The following PMP2 variants were observed in gnomAD, a reference collection of about 807,000 sequenced individuals.
The protein encoded by PMP2 is peripheral myelin protein 2, also known as myelin P2 protein.
Under a neutral mutation model 15.9 loss-of-function variants are expected in PMP2, and 11 were observed. That is an observed-to-expected ratio of 0.69 (90% CI 0.44 to 1.14). PMP2 has a LOEUF of 1.14. Ranked by LOEUF, PMP2 falls within the 50% of genes most tolerant of loss-of-function variation. The probability of loss-of-function intolerance (pLI) is 0.00; values close to 1 mark genes in which losing one functional copy is unlikely to be tolerated. For missense variants in PMP2, 151 were observed against 154.0 expected, an observed-to-expected ratio of 0.98 and a Z score of 0.10; for synonymous variants, 55 against 54.1, an observed-to-expected ratio of 1.02 and a Z score of -0.07.
rs1208156701 is a variant in PMP2 at position 81,447,307 on chromosome 8, T to TTCTTACCCAGAGCTTTCATGTAA, written c.57_73+6dup. Reference sequence around the variant, plus strand: ...TTTTCAGCAGAACAACAAAAAGCATTTCTTACCCAGAGCTTTCATGTAATC... The same window carrying TTCTTACCCAGAGCTTTCATGTAA: ...TTTTCAGCAGAACAACAAAAAGCATTTCTTACCCAGAGCTTTCATGTAATCTTACCCAGAGCTTTCATGTAATC... On this transcript the variant is annotated splice_region_variant and intron_variant, in intron 1 of 3. Coordinates refer to ENST00000256103, the MANE Select transcript of PMP2 (RefSeq NM_002677.5). 6.2e-7 allele frequency: 1 copy of TTCTTACCCAGAGCTTTCATGTAA among 1,609,844 alleles called. No homozygotes were observed. The highest frequency in any genetic ancestry group is 1.7e-5 in the Admixed American group (1 of 60,022).
chr8:81,444,921 C>T lies in PMP2; in HGVS notation c.142G>A (p.Asp48Asn), dbSNP rs1807421889. ...CTTTCAGTTCGTATAGTTATAATAT[C>T]TCCTTTCTTGCTGATGATCACAGTG... Reference protein sequence around the residue: ...KPTVIISKKGDIITIRTESTF... With the variant: ...KPTVIISKKGNIITIRTESTF... Residue 48 changes from aspartate to asparagine, a missense_variant, in exon 2 of 4, where the codon GAT becomes AAT. Physicochemically the swap from Asp to Asn is conservative, Grantham distance 23. Transcript: ENST00000256103. 1.2e-6 allele frequency: 2 copies of T among 1,613,762 alleles called. No individual in the cohort carries two copies. Among genetic ancestry groups the T allele is most frequent in the African/African-American group, 1.3e-5 (1 of 74,932 alleles).
chr8:81,444,876 T>A lies in PMP2; in HGVS notation c.187A>T (p.Ile63Phe), dbSNP rs754959260. The change falls in exon 2 of 4, where the codon ATC (isoleucine) becomes TTC (phenylalanine). Residue 63 changes from isoleucine (I) to phenylalanine (F), a missense_variant. Ile to Phe is a conservative substitution (Grantham distance 21). Coordinates refer to ENST00000256103, the MANE Select transcript of PMP2 (RefSeq NM_002677.5). ...RTESTFKNTE[I>F]SFKLGQEFEE... ...AATTCCTGGCCTAGCTTGAAGGAGA[T>A]TTCTGTATTTTTAAAGGTACTTTCA... The A allele has an allele frequency of 6.2e-7, 1 of 1,613,604 alleles. No homozygotes were observed. The highest frequency in any genetic ancestry group is 8.5e-7 in the Non-Finnish European group (1 of 1,179,500).
rs1807390813 is a variant in PMP2 at position 81,443,423 on chromosome 8, C to T, written c.374G>A (p.Cys125Tyr). 1 of 1,600,850 alleles carries T rather than the reference C, an allele frequency of 6.2e-7. No individual in the cohort carries two copies. Among genetic ancestry groups the T allele is most frequent in the Non-Finnish European group, 8.5e-7 (1 of 1,173,106 alleles). The change falls in exon 4 of 4, where the codon TGC becomes TAC. Residue 125 changes from cysteine to tyrosine, a missense_variant. Physicochemically the swap from Cys to Tyr is radical, Grantham distance 194. Coordinates refer to ENST00000256103, the MANE Select transcript of PMP2 (RefSeq NM_002677.5). ...VAECKMKGVVCTRIYEKV is the reference protein window; with the variant it reads ...VAECKMKGVVYTRIYEKV ...TCAGACCTTCTCATAGATTCTGGTGCACACCACGCCCTTCATTTTACATTC... is the reference window on the plus strand; with the variant it reads ...TCAGACCTTCTCATAGATTCTGGTGTACACCACGCCCTTCATTTTACATTC...
chr8:81,442,795 G>A lies in PMP2; in HGVS notation c.*603C>T, dbSNP rs1191061677. ...GTTTTGTGTCTTGAGTGGGATGTGA[G>A]TTATATTTAACTCACATTTACCTGT... is the stretch of plus-strand genomic sequence containing the variant. On this transcript the variant is annotated 3_prime_UTR_variant, in exon 4 of 4. Transcript: ENST00000256103. 1 of 151,958 alleles carries A rather than the reference G, an allele frequency of 6.6e-6. No homozygotes were observed. Among genetic ancestry groups the A allele is most frequent in the African/African-American group, 2.4e-5 (1 of 41,410 alleles). The allele number at this position is 151,958 out of a possible 1,614,324, so 9.4% of individuals were successfully genotyped here. A position where few individuals can be genotyped will look rare whatever the true frequency, so the allele number is the denominator to read the frequency against.
chr8:81,444,739 C>A lies in PMP2; in HGVS notation c.246+78G>T, dbSNP rs370111701. 1.7e-5 allele frequency: 24 copies of A among 1,426,718 alleles called. No homozygotes were observed. The Middle Eastern group carries it at 7.1e-4, about 42-fold the overall frequency. 88.4% of individuals were successfully genotyped at this position (1,426,718 alleles called of 1,614,324 possible). A position where few individuals can be genotyped will look rare whatever the true frequency, so the allele number is the denominator to read the frequency against. On this transcript the variant is annotated intron_variant, in intron 2 of 3. Coordinates refer to ENST00000256103, the MANE Select transcript of PMP2 (RefSeq NM_002677.5). ...TCCTTTTCAACAGAATTGAGTCTACCCTTTTACACTAGCAGGAATATTCCT... is the reference window on the plus strand; with the variant it reads ...TCCTTTTCAACAGAATTGAGTCTACACTTTTACACTAGCAGGAATATTCCT...
rs770003224 is a variant in PMP2, at chr8:81,443,470, T to C, written c.349-22A>G. ...ATTCCTTAAAAAAGAGAGAGGTTAA[T>C]TGAGTATCTCAAGTTCAAACCAGAG... On this transcript the variant is annotated intron_variant, in intron 3 of 3. Coordinates refer to ENST00000256103, the MANE Select transcript of PMP2 (RefSeq NM_002677.5). 10 of 1,534,148 alleles carry C rather than the reference T, an allele frequency of 6.5e-6. No homozygotes were observed. The Admixed American group carries it at 8.9e-5, about 14-fold the overall frequency.
rs1247161752 is a variant in PMP2, at chr8:81,441,552, ATC to A, written c.*1844_*1845del. The A allele has an allele frequency of 1.3e-5, 2 of 149,912 alleles. No individual in the cohort carries two copies. Among genetic ancestry groups the A allele is most frequent in the African/African-American group, 2.5e-5 (1 of 39,528 alleles). 9.3% of individuals were successfully genotyped at this position (149,912 alleles called of 1,614,324 possible). On this transcript the variant is annotated 3_prime_UTR_variant, in exon 4 of 4. Coordinates refer to ENST00000256103, the MANE Select transcript of PMP2 (RefSeq NM_002677.5). ...TATCTATCTATCTATCTATCTATCT[ATC>A]TATCTATCTATATATCTATCTATCA...
intron 3 of PMP2, 28 bp from the exon 4 acceptor site, chr8:81,443,476 A>T (rs1271554237): frequency 6.8e-7 from 1 of 1,477,888 alleles, no homozygotes; most frequent in South Asian, 1.2e-5. Context: ...TTAATTGAGT[A>T]TCTCAAGTTC....
chr8:81,445,469 C>G (rs1173392949), intron 1 of PMP2, among the ~76,000 whole-genome samples: 2 of 152,138 alleles, frequency 1.3e-5, no homozygotes, highest in East Asian at 1.9e-4. Flanking sequence ...GTGATCTGCC[C>G]TCCTCGGCCT....
chr8:81,444,791 C>T, intron 2 of PMP2, 26 bp downstream of exon 2: 1 of 1,609,416 alleles, frequency 6.2e-7, no homozygotes, highest in Middle Eastern at 1.7e-4. Context: ...ACTGGGCCAA[C>T]TTTGAAGAGA....
rs533031012 is a variant in PMP2 at position 81,445,446 on chromosome 8, A to G, written c.74-457T>C. ...CACCGTGTTAGCCAGGATGGTCTCG[A>G]TCTCCTGACCTCGTGATCTGCCCTC... On this transcript the variant is annotated intron_variant, in intron 1 of 3. Coordinates refer to ENST00000256103, the MANE Select transcript of PMP2 (RefSeq NM_002677.5). Among the ~76,000 whole-genome samples, 7 of 152,176 alleles carry G rather than the reference A, an allele frequency of 4.6e-5. No individual in the cohort carries two copies. The South Asian group carries it at 1.5e-3, about 32-fold the overall frequency.
At chr8:81,445,796 C>A (rs1023208492) in intron 1 of PMP2, among the ~76,000 whole-genome samples, 5 of 152,076 alleles carry the variant, frequency 3.3e-5, no homozygotes, top group Non-Finnish European at 7.4e-5. Flanking sequence ...TAGAATTTCA[C>A]TTCTGAAATT....
Position 81,444,581 on chromosome 8 carries a change from T to C in PMP2, c.267A>G (p.Arg89=). ...RKTKSIVTLQ[R]GSLNQVQRWD... is the part of the protein sequence containing the mutation. ...ATCTCTGCACTTGATTCAGTGATCC[T>C]CTCTGCAGGGTTACGATGCTCTGCA... is the stretch of plus-strand genomic sequence containing the variant. Residue 89 remains arginine (R), a synonymous_variant, in exon 3 of 4, where the codon AGA becomes AGG. Transcript: ENST00000256103. The C allele has an allele frequency of 2.5e-6, 4 of 1,613,894 alleles. No homozygotes were observed. The highest frequency in any genetic ancestry group is 2.2e-5 in the East Asian group (1 of 44,878).
chr8:81,446,103 T>C (rs1807445631), intron 1 of PMP2, among the ~76,000 whole-genome samples: 1 of 152,230 alleles, frequency 6.6e-6, no homozygotes, highest in Non-Finnish European at 1.5e-5. Context: ...ACATACTGAA[T>C]AAGAAGTTAA....
rs1321246401 is a variant in PMP2, at chr8:81,443,285, A to G, written c.*113T>C. On this transcript the variant is annotated 3_prime_UTR_variant, in exon 4 of 4. Coordinates refer to ENST00000256103, the MANE Select transcript of PMP2 (RefSeq NM_002677.5). Reference sequence around the variant, plus strand: ...CAGTTTAGGCCTTTGCATATCTGATATATTAAGACAAAAGCAAAAACAAAT... The same window carrying G: ...CAGTTTAGGCCTTTGCATATCTGATGTATTAAGACAAAAGCAAAAACAAAT... 1.9e-5 allele frequency: 13 copies of G among 695,082 alleles called. No individual in the cohort carries two copies. In the South Asian group the frequency reaches 2.5e-4, roughly 14 times the overall value. 43.1% of individuals were successfully genotyped at this position (695,082 alleles called of 1,614,324 possible).
At chr8:81,444,649 A>G (rs780095258) in intron 2 of PMP2, 48 bp from the exon 3 acceptor site, 1 of 1,528,556 alleles carries the variant, frequency 6.5e-7, no homozygotes, top group African/African-American at 1.4e-5. Flanking sequence ...TTTGTTGATC[A>G]AAGAAGCAGT....
chr8:81,445,007 G>A lies in PMP2; in HGVS notation c.74-18C>T. 1.2e-6 allele frequency: 2 copies of A among 1,608,334 alleles called. No individual in the cohort carries two copies. Among genetic ancestry groups the A allele is most frequent in the African/African-American group, 1.3e-5 (1 of 74,742 alleles). On this transcript the variant is annotated intron_variant, in intron 1 of 3. Coordinates refer to ENST00000256103, the MANE Select transcript of PMP2 (RefSeq NM_002677.5). ...CCCCACACCTGAAAATTAAGATAGTGTTAGAATTATGTTGACCAAGAGAGC... is the reference window on the plus strand; with the variant it reads ...CCCCACACCTGAAAATTAAGATAGTATTAGAATTATGTTGACCAAGAGAGC...
intron 3 of PMP2, 113 bp downstream of exon 3, chr8:81,444,387 C>G: frequency 1.5e-6 from 1 of 662,458 alleles, no homozygotes; most frequent in Non-Finnish European, 2.5e-6. Flanking sequence ...TTACTTTATT[C>G]TTAGTCATTT....
At position 81,442,069 on chromosome 8, in the gene PMP2, T is replaced by C. The variant is rs1246481702; in HGVS notation, c.*1329A>G. On this transcript the variant is annotated 3_prime_UTR_variant, in exon 4 of 4. Coordinates refer to ENST00000256103, the MANE Select transcript of PMP2 (RefSeq NM_002677.5). ...GCATGTGTATTATCACACACATATA[T>C]GCATGGAGGCATGTGTATGCAATTA... The C allele has an allele frequency of 2.0e-5, 3 of 152,130 alleles. No individual in the cohort carries two copies. Among genetic ancestry groups the C allele is most frequent in the Non-Finnish European group, 4.4e-5 (3 of 67,958 alleles). 9.4% of individuals were successfully genotyped at this position (152,130 alleles called of 1,614,324 possible). A position where few individuals can be genotyped will look rare whatever the true frequency, so the allele number is the denominator to read the frequency against.
Sources: allele counts gnomAD v4.1 joint callset (sites outside exome capture counted in the v4.1 genomes callset), GRCh38; gene constraint gnomAD v4.1.1; transcripts MANE v1.5; gene names NCBI Gene and HGNC (gene_info 2026-07-23, HGNC 2026-07-21).